Variants in GRIN2D observed in about 807,000 individuals in gnomAD.
The protein encoded by GRIN2D is glutamate receptor ionotropic, NMDA 2D.
Under a neutral mutation model 103.2 loss-of-function variants are expected in GRIN2D, and 37 were observed. The ratio of observed to expected loss-of-function variants is 0.36; its 90% confidence interval spans 0.28 to 0.47. GRIN2D has a LOEUF of 0.47. Among genes scored for constraint, GRIN2D ranks in the 20% least tolerant of loss-of-function variants. GRIN2D has a pLI of 1.00. For synonymous variants in GRIN2D, 845 were observed against 885.6 expected, an observed-to-expected ratio of 0.95 and a Z score of 0.81; for missense variants, 1,557 against 1,910.6, an observed-to-expected ratio of 0.81 and a Z score of 3.45.
At chr19:48,439,920 G>T (rs1444301030) in intron 11 of GRIN2D, among the ~76,000 whole-genome samples, 1 of 152,142 alleles carries the variant, frequency 6.6e-6, no homozygotes, top group Non-Finnish European at 1.5e-5. Flanking sequence ...TCCAGCCTGG[G>T]CAGGGCCTAG....
chr19:48,431,055 G>C (rs185560116), intron 11 of GRIN2D, among the ~76,000 whole-genome samples: 64 of 152,236 alleles, frequency 4.2e-4, no homozygotes, highest in Middle Eastern at 3.4e-3. Context: ...CTGGCCTCAA[G>C]TAATCTGTTC....
intron 11 of GRIN2D, among the ~76,000 whole-genome samples, chr19:48,438,280 C>CA (rs1269714523): frequency 7.7e-6 from 1 of 129,152 alleles, no homozygotes; most frequent in Admixed American, 8.1e-5. Flanking sequence ...ACTCAGCATC[C>CA]AGCCGCCTTT....
chr19:48,396,168 G>C (rs191974087), intron 2 of GRIN2D, among the ~76,000 whole-genome samples: 12 of 152,202 alleles, frequency 7.9e-5, no homozygotes, highest in Admixed American at 2.0e-4. Context: ...TGAGGAGGTA[G>C]AGATGGAGGC....
intron 10 of GRIN2D, among the ~76,000 whole-genome samples, chr19:48,420,741 G>A (rs145133975): frequency 0.053 from 7,991 of 151,840 alleles, 459 homozygotes; most frequent in African/African-American, 0.14. Flanking sequence ...CAGGAGAATC[G>A]CTTGAACCCG....
chr19:48,423,206 G>A (rs560608636), intron 11 of GRIN2D, among the ~76,000 whole-genome samples: 16 of 152,150 alleles, frequency 1.1e-4, no homozygotes, highest in East Asian at 9.6e-4. Flanking sequence ...GACAGACTCC[G>A]TCTCAAAAAG....
At chr19:48,408,333 CAA>C (rs35238683) in intron 4 of GRIN2D, among the ~76,000 whole-genome samples, 181 of 95,576 alleles carry the variant, frequency 1.9e-3, no homozygotes, top group East Asian at 0.017. Context: ...GACTCCATCT[CAA>C]AAAAAAAAAA....
intron 11 of GRIN2D, among the ~76,000 whole-genome samples, chr19:48,429,620 G>A (rs1302517506): frequency 8.6e-5 from 13 of 151,880 alleles, no homozygotes; most frequent in Admixed American, 4.6e-4. Flanking sequence ...GGCTGGTCTC[G>A]AACTCCTGAC....
At position 48,442,649 on chromosome 19, in the gene GRIN2D, C is replaced by T. The variant is rs1438389887; in HGVS notation, c.2723C>T (p.Pro908Leu). 3.4e-6 allele frequency: 5 copies of T among 1,482,494 alleles called. No homozygotes were observed. Among genetic ancestry groups the T allele is most frequent in the Non-Finnish European group, 3.6e-6 (4 of 1,117,914 alleles). The allele number at this position is 1,482,494 out of a possible 1,614,324, so 91.8% of individuals were successfully genotyped here. The change falls in exon 14 of 14, where the codon CCC becomes CTC. Residue 908 changes from proline (P) to leucine (L), a missense_variant. Pro to Leu is a moderately conservative substitution (Grantham distance 98). This residue lies in a region of GRIN2D where 632 missense variants were observed against 572.8 expected (regional missense o/e 1.10). Transcript: ENST00000263269. This position sits in a 1 kb window ranked among gnomAD's most constrained non-coding sequence, Gnocchi z 7.2. ...GAGGCCGCCCCACCGCCCGCCAAGC[C>T]CCCGCCGCCGCCACAGCCCCTGCCC... ...SAEAAPPPAK[P>L]PPPPQPLPSP...
chr19:48,414,852 C>A lies in GRIN2D; in HGVS notation c.1413-12C>A, dbSNP rs74771493. On this transcript the variant is annotated splice_polypyrimidine_tract_variant and intron_variant, in intron 6 of 13. Coordinates refer to ENST00000263269, the MANE Select transcript of GRIN2D (RefSeq NM_000836.4). The surrounding 1 kb of genome is among the most constrained non-coding windows in gnomAD (Gnocchi z 4.6). ...GGTCCCCAAACTCCCCAAGCCTGGT[C>A]ACTGCCCGCAGCCCTCCACCGGATG... 2 of 1,613,628 alleles carry A rather than the reference C, an allele frequency of 1.2e-6. No individual in the cohort carries two copies. Among genetic ancestry groups the A allele is most frequent in the South Asian group, 1.1e-5 (1 of 90,974 alleles).
Position 48,393,760 on chromosome 19 carries a change from C to T in GRIN2D, c.-414C>T, listed in dbSNP as rs948558202. Among the ~76,000 whole-genome samples, 4 of 152,206 alleles carry T rather than the reference C, an allele frequency of 2.6e-5. No homozygotes were observed. Among genetic ancestry groups the T allele is most frequent in the Middle Eastern group, 3.4e-3 (1 of 290 alleles). On this transcript the variant is annotated 5_prime_UTR_variant, in exon 1 of 14. Transcript: ENST00000263269. The surrounding 1 kb of genome is among the most constrained non-coding windows in gnomAD (Gnocchi z 5.6). ...AAGCCGCGGCCGCCGCCGCCACCCT[C>T]GCCCGCAGCCTCCCGCAGCCTCCCT...
intron 3 of GRIN2D, among the ~76,000 whole-genome samples, chr19:48,400,387 C>G (rs1284374494): frequency 1.3e-5 from 2 of 152,242 alleles, no homozygotes; most frequent in Non-Finnish European, 2.9e-5. Flanking sequence ...TAGTCCTCTC[C>G]TGTCCAGAGC....
chr19:48,424,921 C>G (rs1971069629), intron 11 of GRIN2D, among the ~76,000 whole-genome samples: 1 of 152,180 alleles, frequency 6.6e-6, no homozygotes, highest in Non-Finnish European at 1.5e-5. Context: ...GCATTCTCCC[C>G]AGCCAGCCTG....
Position 48,441,362 on chromosome 19 carries a change from CAAAAAAA to C in GRIN2D, c.2253-390_2253-384del, listed in dbSNP as rs1173219939. Reference sequence around the variant, plus strand: ...TGGGTGACAGAGTGAGACTCTGTCTCAAAAAAAAAAAAAAAAAAAAAAAGAAAGAAAA... The same window carrying C: ...TGGGTGACAGAGTGAGACTCTGTCTCAAAAAAAAAAAAAAAAGAAAGAAAA... On this transcript the variant is annotated intron_variant, in intron 11 of 13. Transcript: ENST00000263269. Among the ~76,000 whole-genome samples, 700 of 127,312 alleles carry C rather than the reference CAAAAAAA, an allele frequency of 5.5e-3. 9 individuals are homozygous for C. Among genetic ancestry groups the C allele is most frequent in the African/African-American group, 0.021 (639 of 30,528 alleles). 83.5% of individuals were successfully genotyped at this position (127,312 alleles called of 152,430 possible). A position where few individuals can be genotyped will look rare whatever the true frequency, so the allele number is the denominator to read the frequency against.
In GRIN2D at chr19:48,443,873, G is replaced by T. The variant is rs544435291; in HGVS notation, c.3947G>T (p.Arg1316Leu). The T allele has an allele frequency of 1.9e-4, 287 of 1,478,614 alleles. No individual in the cohort carries two copies. The highest frequency in any genetic ancestry group is 2.5e-4 in the Non-Finnish European group (279 of 1,122,398). 91.6% of individuals were successfully genotyped at this position (1,478,614 alleles called of 1,614,324 possible). ...CCCACAGCTTCCCACCGGAGACACCGGGGCGGGGACCTGGGCACCCGCAGG... is the reference window on the plus strand; with the variant it reads ...CCCACAGCTTCCCACCGGAGACACCTGGGCGGGGACCTGGGCACCCGCAGG... ...PLPTASHRRH[R>L]GGDLGTRRGS... The change falls in exon 14 of 14, where the codon CGG (arginine) becomes CTG (leucine). Residue 1316 changes from arginine (R) to leucine (L), a missense_variant. Arg to Leu is a moderately radical substitution (Grantham distance 102). Around this residue, in one of 7 missense-constraint regions of GRIN2D, gnomAD observed 88 missense variants for 84.3 expected, o/e 1.04. Transcript: ENST00000263269. The surrounding 1 kb of genome is among the most constrained non-coding windows in gnomAD (Gnocchi z 8.9).
In GRIN2D at chr19:48,442,497, G is replaced by A. The variant is rs1189432031; in HGVS notation, c.2674-103G>A. 15 of 1,506,434 alleles carry A rather than the reference G, an allele frequency of 1.0e-5. No individual in the cohort carries two copies. The East Asian group carries it at 3.3e-4, about 34-fold the overall frequency. 93.3% of individuals were successfully genotyped at this position (1,506,434 alleles called of 1,614,324 possible). A position where few individuals can be genotyped will look rare whatever the true frequency, so the allele number is the denominator to read the frequency against. On this transcript the variant is annotated intron_variant, in intron 13 of 13. Coordinates refer to ENST00000263269, the MANE Select transcript of GRIN2D (RefSeq NM_000836.4). The surrounding 1 kb of genome is among the most constrained non-coding windows in gnomAD (Gnocchi z 7.2). ...GATGTGGATAGTGGGGAAGAGAGCG[G>A]GAAACACAGGCGGGTAAATGGAGAG...
At chr19:48,419,845 TG>T in intron 10 of GRIN2D, 31 bp downstream of exon 10, 1 of 1,265,188 alleles carries the variant, frequency 7.9e-7, no homozygotes, top group Non-Finnish European at 1.1e-6. Context: ...GGGCTGGAGC[TG>T]GGGCTGGGGC....
intron 2 of GRIN2D, among the ~76,000 whole-genome samples, chr19:48,398,162 GTCTC>G (rs1365122584): frequency 6.7e-6 from 1 of 148,334 alleles, no homozygotes; most frequent in Non-Finnish European, 1.5e-5. Context: ...CTCTCCCTCT[GTCTC>G]TCTCCCTTCC....
Position 48,394,874 on chromosome 19 carries a change from T to G in GRIN2D, c.-89T>G, listed in dbSNP as rs1232808572. On this transcript the variant is annotated 5_prime_UTR_variant, in exon 2 of 14. Coordinates refer to ENST00000263269, the MANE Select transcript of GRIN2D (RefSeq NM_000836.4). The surrounding 1 kb of genome is among the most constrained non-coding windows in gnomAD (Gnocchi z 5.1). ...GCCCTCCTCGGAATCTTGGGGTCGC[T>G]GGACGCCGGGTTCCGGTCCTGGCCC... 2 of 153,084 alleles carry G rather than the reference T, an allele frequency of 1.3e-5. No individual in the cohort carries two copies. The highest frequency in any genetic ancestry group is 4.8e-5 in the African/African-American group (2 of 41,422). The allele number at this position is 153,084 out of a possible 1,614,324, so 9.5% of individuals were successfully genotyped here.
chr19:48,405,683 A>G lies in GRIN2D; in HGVS notation c.1085+330A>G, dbSNP rs1970784196. On this transcript the variant is annotated intron_variant, in intron 4 of 13. Coordinates refer to ENST00000263269, the MANE Select transcript of GRIN2D (RefSeq NM_000836.4). This position sits in a 1 kb window ranked among gnomAD's most constrained non-coding sequence, Gnocchi z 5.1. Reference sequence around the variant, plus strand: ...GCACTTTTGTCTTTCTTTGTGGTACATCTTATAATTGAGAGCATTTTAGAT... The same window carrying G: ...GCACTTTTGTCTTTCTTTGTGGTACGTCTTATAATTGAGAGCATTTTAGAT... Among the ~76,000 whole-genome samples, 1 of 152,194 alleles carries G rather than the reference A, an allele frequency of 6.6e-6. No homozygotes were observed. The highest frequency in any genetic ancestry group is 2.4e-5 in the African/African-American group (1 of 41,460).
Sources: gnomAD v4.1 joint callset for allele counts (sites outside exome capture counted in the v4.1 genomes callset) on GRCh38, gnomAD v4.1.1 for gene constraint, gnomAD v4.1.1 regional missense constraint, Gnocchi (gnomAD v3.1) non-coding constraint, MANE v1.5 for transcripts, NCBI Gene and HGNC (gene_info 2026-07-23, HGNC 2026-07-21) for gene names.